Variants in FHIT observed in about 807,000 individuals in gnomAD.
The protein encoded by FHIT is fragile histidine triad diadenosine triphosphatase.
FHIT carries 19 observed loss-of-function variants against 17.9 expected under a neutral mutation model. That is an observed-to-expected ratio of 1.06 (90% CI 0.74 to 1.56). FHIT has a LOEUF of 1.56. Ranked by LOEUF, FHIT falls within the 40% of genes most tolerant of loss-of-function variation. FHIT has a pLI of 0.00. For missense variants in FHIT, 248 were observed against 189.2 expected, an observed-to-expected ratio of 1.31 and a Z score of -1.82; for synonymous variants, 81 against 69.7, an observed-to-expected ratio of 1.16 and a Z score of -0.81.
intron 4 of FHIT, among the ~76,000 whole-genome samples, chr3:60,739,420 C>T (rs1257395907): frequency 3.3e-5 from 5 of 152,214 alleles, no homozygotes; most frequent in African/African-American, 1.2e-4. Context: ...ACTCTTGCTC[C>T]TGCACCTGGC....
intron 4 of FHIT, among the ~76,000 whole-genome samples, chr3:60,629,413 T>C (rs782363846): frequency 6.6e-6 from 1 of 152,212 alleles, no homozygotes; most frequent in African/African-American, 2.4e-5. Context: ...TAAATGAGTT[T>C]CTTTATATTT....
At chr3:60,151,148 T>C (rs1356299126) in intron 5 of FHIT, among the ~76,000 whole-genome samples, 2 of 152,132 alleles carry the variant, frequency 1.3e-5, no homozygotes, top group Non-Finnish European at 2.9e-5. Flanking sequence ...TGAGAATTAT[T>C]ACAGCTTTGA....
intron 5 of FHIT, among the ~76,000 whole-genome samples, chr3:60,528,857 G>C (rs983833370): frequency 6.6e-6 from 1 of 152,112 alleles, no homozygotes; most frequent in African/African-American, 2.4e-5. Flanking sequence ...AAATTAATAG[G>C]CTGATGTCTG....
At chr3:60,557,296 G>C (rs2036774489) in intron 4 of FHIT, among the ~76,000 whole-genome samples, 2 of 152,064 alleles carry the variant, frequency 1.3e-5, no homozygotes, top group Admixed American at 6.5e-5. Flanking sequence ...ACAGTGCTAA[G>C]AAAGATCTTC....
At chr3:61,205,515 T>A (rs2039195051) in intron 1 of FHIT, among the ~76,000 whole-genome samples, 2 of 152,210 alleles carry the variant, frequency 1.3e-5, no homozygotes, top group South Asian at 4.1e-4. Context: ...ATTGCCATTC[T>A]AACTGGTGTG....
intron 5 of FHIT, among the ~76,000 whole-genome samples, chr3:60,028,611 C>T (rs1172711090): frequency 6.6e-6 from 1 of 152,086 alleles, no homozygotes; most frequent in Non-Finnish European, 1.5e-5. Flanking sequence ...AAATATGAAA[C>T]ACAAGTGACC....
In FHIT at chr3:60,166,580, G is replaced by A. The variant is rs189797606; in HGVS notation, c.104-152428C>T. On this transcript the variant is annotated intron_variant, in intron 5 of 9. Transcript: ENST00000492590. ...TCCAGTGGAAAGATGAAGGAATTCA[G>A]GCTTAAGGCTACACAAAGATTAGTG... 2.2e-4 allele frequency among the ~76,000 whole-genome samples: 33 copies of A among 152,230 alleles called. No individual in the cohort carries two copies. The East Asian group carries it at 6.4e-3, about 29-fold the overall frequency.
chr3:60,296,234 G>C (rs954475410), intron 5 of FHIT, among the ~76,000 whole-genome samples: 1 of 151,972 alleles, frequency 6.6e-6, no homozygotes, highest in Non-Finnish European at 1.5e-5. Flanking sequence ...GAAGGAGGAG[G>C]GGAAAGAAGA....
chr3:60,464,033 G>A (rs2032640494), intron 5 of FHIT, among the ~76,000 whole-genome samples: 1 of 152,106 alleles, frequency 6.6e-6, no homozygotes, highest in Admixed American at 6.6e-5. Flanking sequence ...GCACAGTTTG[G>A]AATCATCATC....
intron 4 of FHIT, among the ~76,000 whole-genome samples, chr3:60,646,252 T>A (rs547756222): frequency 1.3e-5 from 2 of 152,184 alleles, no homozygotes; most frequent in Non-Finnish European, 2.9e-5. Context: ...TGGGAAGTAA[T>A]ACATGGTCAA....
At chr3:60,792,446 G>C (rs1360291553) in intron 4 of FHIT, among the ~76,000 whole-genome samples, 1 of 152,152 alleles carries the variant, frequency 6.6e-6, no homozygotes, top group Non-Finnish European at 1.5e-5. Context: ...TCTCAATGCA[G>C]TCACACATTC....
At chr3:60,117,123 A>G (rs897957718) in intron 5 of FHIT, among the ~76,000 whole-genome samples, 2 of 139,744 alleles carry the variant, frequency 1.4e-5, no homozygotes, top group Non-Finnish European at 3.2e-5. Flanking sequence ...AGAGATAATT[A>G]ATTGCTAAAT....
At chr3:59,967,673 A>G (rs185671096) in intron 7 of FHIT, among the ~76,000 whole-genome samples, 1 of 152,174 alleles carries the variant, frequency 6.6e-6, no homozygotes, top group Non-Finnish European at 1.5e-5. Flanking sequence ...AAGAGCCAGC[A>G]TGGCTCCCAA....
chr3:59,748,167 TC>T lies in FHIT; in HGVS notation c.*1417del, dbSNP rs1374399649. ...CTTATGTTTATTTTTATGCTTAACT[TC>T]TAATTACAGGTAGTACTTGTTTTTC... On this transcript the variant is annotated 3_prime_UTR_variant, in exon 10 of 10. Coordinates refer to ENST00000492590, the MANE Select transcript of FHIT (RefSeq NM_002012.4). Among the ~76,000 whole-genome samples the T allele has an allele frequency of 1.3e-5, 2 of 152,116 alleles. No individual in the cohort carries two copies. Among genetic ancestry groups the T allele is most frequent in the African/African-American group, 4.8e-5 (2 of 41,412 alleles).
At chr3:60,009,396 G>C (rs567370477) in intron 7 of FHIT, among the ~76,000 whole-genome samples, 1 of 152,160 alleles carries the variant, frequency 6.6e-6, no homozygotes, top group Non-Finnish European at 1.5e-5. Flanking sequence ...TTCAACTTAA[G>C]CTAAATAATC....
At chr3:59,844,382 G>A (rs1244890369) in intron 8 of FHIT, among the ~76,000 whole-genome samples, 1 of 152,094 alleles carries the variant, frequency 6.6e-6, no homozygotes, top group Non-Finnish European at 1.5e-5. Context: ...GATCATAGAG[G>A]CAAATCTTTC....
chr3:60,421,832 T>C (rs1033173169), intron 5 of FHIT, among the ~76,000 whole-genome samples: 12 of 152,262 alleles, frequency 7.9e-5, no homozygotes, highest in Admixed American at 3.9e-4. Context: ...GCTTTTGTTG[T>C]ATAGAATGTG....
At chr3:60,551,741 T>C (rs1459017725) in intron 4 of FHIT, among the ~76,000 whole-genome samples, 2 of 149,500 alleles carry the variant, frequency 1.3e-5, no homozygotes, top group Admixed American at 6.7e-5. Flanking sequence ...CTGGGTGACA[T>C]AGTGAGATCC....
chr3:60,842,742 G>T (rs1399272845), intron 3 of FHIT, among the ~76,000 whole-genome samples: 1 of 149,766 alleles, frequency 6.7e-6, no homozygotes, highest in Non-Finnish European at 1.5e-5. Flanking sequence ...TCAAGTTAAT[G>T]TGGGCAAGAT....
Sources: allele counts gnomAD v4.1 joint callset (sites outside exome capture counted in the v4.1 genomes callset), GRCh38; gene constraint gnomAD v4.1.1; transcripts MANE v1.5; gene names NCBI Gene and HGNC (gene_info 2026-07-23, HGNC 2026-07-21).